Variants in SMIM24 observed in about 807,000 individuals in gnomAD.
The protein encoded by SMIM24 is MAP17-related dimer.
SMIM24 carries 6 observed loss-of-function variants against 10.8 expected under a neutral mutation model. That is an observed-to-expected ratio of 0.55 (90% CI 0.30 to 1.09). The LOEUF (loss-of-function observed/expected upper bound fraction) is 1.09. Ranked by LOEUF, SMIM24 falls within the 50% of genes least tolerant of loss-of-function variation. The pLI is 0.06. For missense variants in SMIM24, 151 were observed against 153.4 expected (o/e 0.98, Z 0.08); for synonymous variants, 71 against 62.4 (o/e 1.14, Z -0.65).
At position 3,475,012 on chromosome 19, in the gene SMIM24, GGCCCC is replaced by G. The variant is rs2082787087; in HGVS notation, c.240-21_240-17del. The stretch of plus-strand genomic sequence containing the variant: ...CTTGTCTTCACTGTAGGGATACAAA[GGCCCC>G]AAACCATAATAAGAAACAGAGACAC... On this transcript the variant is annotated splice_polypyrimidine_tract_variant and intron_variant, in intron 3 of 3. Coordinates refer to ENST00000215531, the MANE Select transcript of SMIM24 (RefSeq NM_001136503.2). The G allele has an allele frequency of 6.5e-7, 1 of 1,550,170 alleles. No individual in the cohort carries two copies. Among genetic ancestry groups the G allele is most frequent in the African/African-American group, 1.4e-5 (1 of 72,956 alleles).
Position 3,474,699 on chromosome 19 carries a change from G to T in SMIM24, c.*144C>A. The T allele has an allele frequency of 9.6e-7, 1 of 1,040,664 alleles. No homozygotes were observed. The highest frequency in any genetic ancestry group is 1.3e-6 in the Non-Finnish European group (1 of 748,850). The allele number at this position is 1,040,664 out of a possible 1,614,324, so 64.5% of individuals were successfully genotyped here. On this transcript the variant is annotated 3_prime_UTR_variant, in exon 4 of 4. Transcript: ENST00000215531. ...GAGCCCCCAATGAGGGAGGTGGGGT[G>T]GGTTCCAAGCCTTCTTCACTTGAGA...
At chr19:3,480,357 C>T (rs1276906457) in intron 1 of SMIM24, 40 bp downstream of exon 1, 12 of 1,452,146 alleles carry the variant, frequency 8.3e-6, no homozygotes, top group Non-Finnish European at 1.1e-5. Context: ...TGACCAACTC[C>T]CCTATCCCGC....
rs1336095305 is a variant in SMIM24, at chr19:3,474,893, C to G, written c.343G>C (p.Glu115Gln). ...TCATGGTCTCCGGGCTCTTTTTCCT[C>G]CAGATCCAGTCCCAAGTTGCTCTCT... ...EGESNLGLDL[E>Q]EKEPGDHERA... Residue 115 changes from glutamate to glutamine, a missense_variant, in exon 4 of 4, where the codon GAG becomes CAG. Coordinates refer to ENST00000215531, the MANE Select transcript of SMIM24 (RefSeq NM_001136503.2). 6.4e-7 allele frequency: 1 copy of G among 1,551,712 alleles called. No homozygotes were observed. Among genetic ancestry groups the G allele is most frequent in the African/African-American group, 1.4e-5 (1 of 73,158 alleles).
intron 1 of SMIM24, among the ~76,000 whole-genome samples, chr19:3,479,493 G>C (rs1293855893): frequency 6.6e-6 from 1 of 150,860 alleles, no homozygotes; most frequent in East Asian, 2.0e-4. Flanking sequence ...TTATAAAGGA[G>C]GAGCTCAGAG....
chr19:3,478,719 T>C, intron 2 of SMIM24, 99 bp downstream of exon 2: 1 of 1,029,312 alleles, frequency 9.7e-7, no homozygotes, highest in Non-Finnish European at 1.4e-6. Flanking sequence ...ATGGGAGACC[T>C]TCGGACTTTG....
intron 3 of SMIM24, among the ~76,000 whole-genome samples, chr19:3,478,013 C>T (rs935778526): frequency 6.6e-6 from 1 of 152,080 alleles, no homozygotes; most frequent in Non-Finnish European, 1.5e-5. Flanking sequence ...CCTACACAAT[C>T]CTACACCACA....
chr19:3,479,254 A>G (rs1045040819), intron 1 of SMIM24, among the ~76,000 whole-genome samples: 1 of 133,904 alleles, frequency 7.5e-6, no homozygotes, highest in South Asian at 2.5e-4. Flanking sequence ...GCAGAGGCTC[A>G]GGGGGAGGGG....
intron 3 of SMIM24, 127 bp downstream of exon 3, chr19:3,478,292 G>A: frequency 1.1e-6 from 1 of 891,754 alleles, no homozygotes; most frequent in South Asian, 1.8e-5. Context: ...GAAGATACAG[G>A]AAAGGTGAAG....
intron 1 of SMIM24, among the ~76,000 whole-genome samples, chr19:3,480,088 A>C (rs1184834862): frequency 7.6e-6 from 1 of 131,022 alleles, no homozygotes; most frequent in Non-Finnish European, 1.6e-5. Flanking sequence ...TCAGATGGGG[A>C]GGGGCTTGTA....
intron 2 of SMIM24, 82 bp downstream of exon 2, chr19:3,478,736 G>C: frequency 3.5e-6 from 4 of 1,129,994 alleles, no homozygotes; most frequent in Non-Finnish European, 5.1e-6. Flanking sequence ...TTTGAGGCTG[G>C]TGATGGGGGT....
intron 3 of SMIM24, 67 bp from the exon 4 acceptor site, chr19:3,475,063 C>T (rs1002035341): frequency 6.7e-7 from 1 of 1,495,362 alleles, no homozygotes; most frequent in African/African-American, 1.4e-5. Context: ...TGGCCACTCA[C>T]TTGAGCCAGC....
At position 3,474,745 on chromosome 19, in the gene SMIM24, G is replaced by A. The variant is rs967909246; in HGVS notation, c.*98C>T. The A allele has an allele frequency of 7.1e-7, 1 of 1,401,860 alleles. No homozygotes were observed. The highest frequency in any genetic ancestry group is 9.5e-7 in the Non-Finnish European group (1 of 1,053,688). 86.8% of individuals were successfully genotyped at this position (1,401,860 alleles called of 1,614,324 possible). Reference sequence around the variant, plus strand: ...TGAGAACACTGTATTCTGAATCCCAGATGGAGTCATTTCACGGGCTTCAAG... The same window carrying A: ...TGAGAACACTGTATTCTGAATCCCAAATGGAGTCATTTCACGGGCTTCAAG... On this transcript the variant is annotated 3_prime_UTR_variant, in exon 4 of 4. Coordinates refer to ENST00000215531, the MANE Select transcript of SMIM24 (RefSeq NM_001136503.2).
intron 1 of SMIM24, among the ~76,000 whole-genome samples, chr19:3,480,142 G>C (rs1413769717): frequency 6.8e-6 from 1 of 147,306 alleles, no homozygotes; most frequent in Non-Finnish European, 1.5e-5. Context: ...AAGGCGGGGG[G>C]TTCAGCCAGG....
rs887817004 is a variant in SMIM24, at chr19:3,478,426, C to A, written c.232G>T (p.Asp78Tyr). 5 of 1,548,954 alleles carry A rather than the reference C, an allele frequency of 3.2e-6. No individual in the cohort carries two copies. In the African/African-American group the frequency reaches 4.1e-5, roughly 13 times the overall value. ...CATCCGCACGCATAGTACCTCTGGT[C>A]CTGGTATAGGTTGGACTCCATTCTG... ...TFRMESNLYQ[D>Y]QSEDKREKKE... Residue 78 changes from aspartate to tyrosine, a missense_variant, in exon 3 of 4, where the codon GAC becomes TAC. Coordinates refer to ENST00000215531, the MANE Select transcript of SMIM24 (RefSeq NM_001136503.2).
chr19:3,478,405 C>A lies in SMIM24; in HGVS notation c.239+14G>T. On this transcript the variant is annotated intron_variant, in intron 3 of 3. Transcript: ENST00000215531. The stretch of plus-strand genomic sequence containing the variant: ...GGGGTTCACACAGACCCCCAGCATC[C>A]GCACGCATAGTACCTCTGGTCCTGG... 3 of 1,546,796 alleles carry A rather than the reference C, an allele frequency of 1.9e-6. No homozygotes were observed. The highest frequency in any genetic ancestry group is 2.6e-6 in the Non-Finnish European group (3 of 1,145,192).
rs796377093 is a variant in SMIM24 at position 3,478,471 on chromosome 19, C to A, written c.187G>T (p.Asp63Tyr). ...ATTCTGAACGTGGTCTCCTCCTCGT[C>A]CTCAGCCCTGCAGAGATAAAGGGAA... ...RLWCSKARAE[D>Y]EEETTFRMES... The change falls in exon 3 of 4, where the codon GAC becomes TAC. Residue 63 changes from aspartate to tyrosine, a missense_variant. By Grantham distance (160) the Asp-to-Tyr change is radical. Coordinates refer to ENST00000215531, the MANE Select transcript of SMIM24 (RefSeq NM_001136503.2). 5.2e-6 allele frequency: 8 copies of A among 1,548,980 alleles called. No homozygotes were observed. In the Admixed American group the frequency reaches 1.6e-4, roughly 31 times the overall value.
chr19:3,478,985 TC>T, intron 1 of SMIM24, 56 bp from the exon 2 acceptor site: 1 of 1,362,938 alleles, frequency 7.3e-7, no homozygotes, highest in Non-Finnish European at 1.0e-6. Flanking sequence ...AAGACCCCCT[TC>T]CCCCACCACC....
At chr19:3,479,201 T>A in intron 1 of SMIM24, 2 of 333,220 alleles carry the variant, frequency 6.0e-6, no homozygotes, top group Non-Finnish European at 1.1e-5. Context: ...GGACGGAGTT[T>A]ACAAATCAGG....
intron 3 of SMIM24, among the ~76,000 whole-genome samples, chr19:3,477,154 T>G (rs2082795907): frequency 7.7e-6 from 1 of 130,336 alleles, no homozygotes; most frequent in African/African-American, 3.0e-5. Flanking sequence ...GGATGGTGGG[T>G]GGGTGGATGG....
Sources: gnomAD v4.1 joint callset for allele counts (sites outside exome capture counted in the v4.1 genomes callset) on GRCh38, gnomAD v4.1.1 for gene constraint, MANE v1.5 for transcripts, NCBI Gene and HGNC (gene_info 2026-07-23, HGNC 2026-07-21) for gene names.